Variants in CBR4 observed in about 807,000 individuals in gnomAD.
CBR4 encodes carbonyl reductase 4.
CBR4 carries 22 observed loss-of-function variants against 21.0 expected under a neutral mutation model. That is an observed-to-expected ratio of 1.05 (90% CI 0.75 to 1.50). The LOEUF is 1.50. CBR4 is among the 40% of genes most tolerant of loss of function. The probability of loss-of-function intolerance (pLI) is 0.00; values close to 1 mark genes in which losing one functional copy is unlikely to be tolerated. For synonymous variants in CBR4, 100 were observed against 104.4 expected, an observed-to-expected ratio of 0.96 and a Z score of 0.26; for missense variants, 302 against 286.3, an observed-to-expected ratio of 1.05 and a Z score of -0.40.
intron 2 of CBR4, among the ~76,000 whole-genome samples, chr4:168,964,438 G>A (rs920984176): frequency 6.6e-5 from 10 of 152,226 alleles, no homozygotes; most frequent in Admixed American, 3.3e-4. Flanking sequence ...ATGGAAACAA[G>A]TAAAGCCTAA....
At chr4:168,900,638 T>A (rs1560886106) in intron 2 of CBR4, among the ~76,000 whole-genome samples, 1 of 152,194 alleles carries the variant, frequency 6.6e-6, no homozygotes, top group African/African-American at 2.4e-5. Context: ...TTCTTAAAAC[T>A]GAATCGCAAC....
rs1764735542 is a variant in CBR4, at chr4:168,987,684, A to G, written c.*2466T>C. On this transcript the variant is annotated 3_prime_UTR_variant, in exon 5 of 5. Transcript: ENST00000306193. ...CAATTTACACATATTCCTTTTGAAAATCTTAGAAAAAATGTTTCACCAATG... is the reference window on the plus strand; with the variant it reads ...CAATTTACACATATTCCTTTTGAAAGTCTTAGAAAAAATGTTTCACCAATG... 1.0e-6 allele frequency: 1 copy of G among 981,344 alleles called. No individual in the cohort carries two copies. The highest frequency in any genetic ancestry group is 1.2e-6 in the Non-Finnish European group (1 of 826,286). The allele number at this position is 981,344 out of a possible 1,614,324, so 60.8% of individuals were successfully genotyped here.
At chr4:168,915,025 T>C (rs961767181) in intron 2 of CBR4, among the ~76,000 whole-genome samples, 10 of 152,234 alleles carry the variant, frequency 6.6e-5, no homozygotes, top group Admixed American at 1.3e-4. Flanking sequence ...TTCTCTTTGC[T>C]TCTCTTGTTG....
rs550161064 is a variant in CBR4, at chr4:168,896,445, G to A, written n.170-1680C>T. The A allele has an allele frequency of 8.4e-5, 60 of 714,354 alleles. No individual in the cohort carries two copies. The African/African-American group carries it at 9.1e-4, about 11-fold the overall frequency. 44.3% of individuals were successfully genotyped at this position (714,354 alleles called of 1,614,324 possible). ...ACTCACAGCACCGTTACTACCAAAC[G>A]CATATTGCTAGCACAAAAGTTTCAC... On this transcript the variant is annotated intron_variant and non_coding_transcript_variant, in intron 2 of 3. Coordinates refer to the CBR4 transcript ENST00000509108.
intron 2 of CBR4, chr4:168,927,438 GGTTT>G (rs1762702578): frequency 4.3e-6 from 1 of 232,792 alleles, no homozygotes; most frequent in South Asian, 1.8e-4. Context: ...GTGTGTCTGA[GGTTT>G]GTGTAGTAGT....
Position 168,925,194 on chromosome 4 carries a change from A to G in CBR4, n.170-30429T>C, listed in dbSNP as rs750914543. On this transcript the variant is annotated intron_variant and non_coding_transcript_variant, in intron 2 of 3. Coordinates refer to the CBR4 transcript ENST00000509108. Reference sequence around the variant, plus strand: ...AACAACTATTGTGTTTTATTTGTCAAAAAAATTCATATTGCTCTCTCTCTC... The same window carrying G: ...AACAACTATTGTGTTTTATTTGTCAGAAAAATTCATATTGCTCTCTCTCTC... The G allele has an allele frequency of 9.0e-6, 14 of 1,562,384 alleles. No individual in the cohort carries two copies. The African/African-American group carries it at 1.0e-4, about 11-fold the overall frequency.
chr4:168,927,837 T>G, intron 2 of CBR4: 1 of 213,906 alleles, frequency 4.7e-6, no homozygotes, highest in East Asian at 7.0e-5. Flanking sequence ...GACCTAGTAG[T>G]ATAAAACATG....
chr4:168,967,875 C>G (rs1010880998), intron 2 of CBR4, among the ~76,000 whole-genome samples: 1 of 152,108 alleles, frequency 6.6e-6, no homozygotes, highest in Non-Finnish European at 1.5e-5. Flanking sequence ...ATTATTAATG[C>G]CAGGAAATCT....
chr4:168,905,790 C>CTTTTTTTTTTTTTTTTTTTTTT (rs59427697), intron 2 of CBR4, among the ~76,000 whole-genome samples: 3 of 113,096 alleles, frequency 2.7e-5, no homozygotes, highest in African/African-American at 6.4e-5. Flanking sequence ...GCTTTTTTTT[C>CTTTTTTTTTTTTTTTTTTTTTT]TTTTTTTTTT....
chr4:168,920,265 G>A (rs774343739), intron 2 of CBR4, among the ~76,000 whole-genome samples: 2 of 152,170 alleles, frequency 1.3e-5, no homozygotes, highest in Non-Finnish European at 2.9e-5. Flanking sequence ...AACTACTGCT[G>A]TTTGTTTCCA....
chr4:168,927,460 T>C (rs913210293), intron 2 of CBR4: 7 of 232,624 alleles, frequency 3.0e-5, no homozygotes, highest in Non-Finnish European at 5.9e-5. Context: ...AGTGGAAGAT[T>C]TTAGGTATGT....
chr4:168,940,993 A>T (rs146760449), intron 2 of CBR4, among the ~76,000 whole-genome samples: 7 of 152,362 alleles, frequency 4.6e-5, no homozygotes, highest in Admixed American at 1.3e-4. Context: ...TGTATACTGC[A>T]GCACTGTTCA....
downstream of CBR4, among the ~76,000 whole-genome samples, chr4:168,985,596 C>T (rs924176179): frequency 4.6e-5 from 7 of 152,126 alleles, no homozygotes; most frequent in African/African-American, 1.7e-4. Flanking sequence ...CTCATTGCGG[C>T]ACTGTTCACA....
At chr4:168,994,283 G>A (rs2126821624) in intron 4 of CBR4, among the ~76,000 whole-genome samples, 1 of 152,362 alleles carries the variant, frequency 6.6e-6, no homozygotes, top group East Asian at 1.9e-4. Context: ...TCATGCTATT[G>A]TCTGTGGTTC....
intron 1 of CBR4, among the ~76,000 whole-genome samples, chr4:169,009,603 T>C (rs1323789349): frequency 6.6e-6 from 1 of 152,216 alleles, no homozygotes; most frequent in African/African-American, 2.4e-5. Context: ...AAGTAAACTG[T>C]TACGTGGCTC....
intron 2 of CBR4, among the ~76,000 whole-genome samples, chr4:168,954,647 T>C (rs1378325393): frequency 6.6e-6 from 1 of 152,158 alleles, no homozygotes; most frequent in African/African-American, 2.4e-5. Flanking sequence ...ATACTGAAGG[T>C]CTCAAATATT....
At chr4:168,966,614 G>A (rs1352084385) in intron 2 of CBR4, among the ~76,000 whole-genome samples, 2 of 152,270 alleles carry the variant, frequency 1.3e-5, no homozygotes, top group Admixed American at 1.3e-4. Context: ...TGGTGGGTGT[G>A]TAAATTCCTT....
intron 2 of CBR4, among the ~76,000 whole-genome samples, chr4:168,950,139 T>C (rs906946235): frequency 2.0e-5 from 3 of 152,152 alleles, no homozygotes; most frequent in African/African-American, 7.2e-5. Flanking sequence ...TCTTGGTTAT[T>C]TCCTTTCTTC....
intron 2 of CBR4, among the ~76,000 whole-genome samples, chr4:168,967,013 TAA>T (rs59484681): frequency 7.0e-6 from 1 of 143,748 alleles, no homozygotes; most frequent in Non-Finnish European, 1.5e-5. Flanking sequence ...AAACTCCATC[TAA>T]AAAAAAAAAA....
Sources: gnomAD v4.1 joint callset for allele counts (sites outside exome capture counted in the v4.1 genomes callset) on GRCh38, gnomAD v4.1.1 for gene constraint, MANE v1.5 for transcripts, NCBI Gene and HGNC (gene_info 2026-07-23, HGNC 2026-07-21) for gene names.